The following PXK variants were observed in gnomAD, a reference collection of about 807,000 sequenced individuals.
PXK encodes PX domain containing serine/threonine kinase like.
A neutral mutation model predicts 84.7 loss-of-function variants in PXK; 35 were observed. That is an observed-to-expected ratio of 0.41 (90% CI 0.32 to 0.55). The LOEUF (loss-of-function observed/expected upper bound fraction) is 0.55. PXK is among the 20% of genes least tolerant of loss of function. The probability of loss-of-function intolerance (pLI) is 0.21; values close to 1 mark genes in which losing one functional copy is unlikely to be tolerated. For missense variants in PXK, 634 were observed against 699.7 expected, an observed-to-expected ratio of 0.91 and a Z score of 1.06; for synonymous variants, 253 against 260.8, an observed-to-expected ratio of 0.97 and a Z score of 0.29.
intron 1 of PXK, among the ~76,000 whole-genome samples, chr3:58,352,201 A>G (rs2097944074): frequency 6.6e-6 from 1 of 152,178 alleles, no homozygotes; most frequent in Admixed American, 6.5e-5. Context: ...CTCCTCCTTC[A>G]GGTTCCAGAA....
intron 3 of PXK, among the ~76,000 whole-genome samples, chr3:58,382,015 T>C (rs2098508128): frequency 6.6e-6 from 1 of 152,048 alleles, no homozygotes; most frequent in African/African-American, 2.4e-5. Context: ...AAAAATAAAG[T>C]TTTAAAATTA....
intron 9 of PXK, 82 bp from the exon 10 acceptor site, chr3:58,396,957 T>C: frequency 7.0e-7 from 1 of 1,428,610 alleles, no homozygotes; most frequent in African/African-American, 1.4e-5. Flanking sequence ...TTTCAAAATA[T>C]ATTGACTAAA....
intron 7 of PXK, among the ~76,000 whole-genome samples, chr3:58,393,429 T>C (rs1321292263): frequency 6.6e-6 from 1 of 152,206 alleles, no homozygotes; most frequent in Non-Finnish European, 1.5e-5. Flanking sequence ...CAGTTGTTAC[T>C]TTTTAAGAAT....
rs2058544704 is a variant in PXK, at chr3:58,401,457, T to TAAA, written c.1181+2081_1181+2082insAAA. On this transcript the variant is annotated intron_variant, in intron 12 of 17. Transcript: ENST00000356151. The surrounding 1 kb of genome is among the most constrained non-coding windows in gnomAD (Gnocchi z 4.4). ...GGCGAAACCCCATCTCTACAAAAAA[T>TAAA]ACAACAACAACAAAATTAGCTAGGC... 6.6e-6 allele frequency among the ~76,000 whole-genome samples: 1 copy of TAAA among 151,846 alleles called. No individual in the cohort carries two copies. The highest frequency in any genetic ancestry group is 1.5e-5 in the Non-Finnish European group (1 of 68,012).
chr3:58,370,681 C>T lies in PXK; in HGVS notation c.201+1203C>T, dbSNP rs1214047073. ...ATACTTCCTTTCCTTCAGAAGGCCA[C>T]GTTTTGTTGGTCAGACTTCAGAAAA... is the stretch of plus-strand genomic sequence containing the variant. On this transcript the variant is annotated intron_variant, in intron 3 of 17. Coordinates refer to ENST00000356151, the MANE Select transcript of PXK (RefSeq NM_017771.5). The surrounding 1 kb of genome is among the most constrained non-coding windows in gnomAD (Gnocchi z 4.2). 6.6e-6 allele frequency among the ~76,000 whole-genome samples: 1 copy of T among 152,100 alleles called. No homozygotes were observed. The highest frequency in any genetic ancestry group is 1.5e-5 in the Non-Finnish European group (1 of 68,018).
At chr3:58,380,987 G>A (rs62258079) in intron 3 of PXK, among the ~76,000 whole-genome samples, 6,507 of 152,136 alleles carry the variant, frequency 0.043, 220 homozygotes, top group Non-Finnish European at 0.063. Context: ...GGTGGCTCAC[G>A]CCTGTAATCC....
rs956665938 is a variant in PXK at position 58,416,066 on chromosome 3, G to T, written c.1528+3103G>T. ...TCTCAAGAAGAAACTTAGAACAAAG[G>T]ACGGTGGGATTGATAATAGGTACAG... On this transcript the variant is annotated intron_variant, in intron 17 of 17. Coordinates refer to ENST00000356151, the MANE Select transcript of PXK (RefSeq NM_017771.5). This position sits in a 1 kb window ranked among gnomAD's most constrained non-coding sequence, Gnocchi z 4.8. Among the ~76,000 whole-genome samples, 1 of 152,206 alleles carries T rather than the reference G, an allele frequency of 6.6e-6. No homozygotes were observed. Among genetic ancestry groups the T allele is most frequent in the Non-Finnish European group, 1.5e-5 (1 of 68,036 alleles).
intron 9 of PXK, among the ~76,000 whole-genome samples, chr3:58,396,617 T>C (rs2057718376): frequency 6.6e-6 from 1 of 152,254 alleles, no homozygotes; most frequent in South Asian, 2.1e-4. Flanking sequence ...GAACTAGAGA[T>C]GTTTTCTAGT....
At chr3:58,375,416 C>T (rs2098433222) in intron 3 of PXK, among the ~76,000 whole-genome samples, 1 of 152,130 alleles carries the variant, frequency 6.6e-6, no homozygotes, top group Admixed American at 6.6e-5. Flanking sequence ...CAACCCACTC[C>T]TAGAAATGGT....
chr3:58,408,966 T>C lies in PXK; in HGVS notation c.1273T>C (p.Cys425Arg), dbSNP rs74765659. The C allele has an allele frequency of 2.5e-4, 395 of 1,593,352 alleles. 1 individual carries two copies. In the African/African-American group the frequency reaches 4.1e-3, roughly 17 times the overall value. Reference sequence around the variant, plus strand: ...AGAGGCATTGAGAATTGCCAAAGAATGTATAGAGAAGAGACTAATTGAGGA... The same window carrying C: ...AGAGGCATTGAGAATTGCCAAAGAACGTATAGAGAAGAGACTAATTGAGGA... ...LKEALRIAKE[C>R]IEKRLIEEQK... The change falls in exon 14 of 18, where the codon TGT becomes CGT. Residue 425 changes from cysteine (C) to arginine (R), a missense_variant. This residue lies in a region of PXK where 273 missense variants were observed against 283.6 expected (regional missense o/e 0.96). Coordinates refer to ENST00000356151, the MANE Select transcript of PXK (RefSeq NM_017771.5).
At position 58,412,773 on chromosome 3, in the gene PXK, A is replaced by G; in HGVS notation, c.1466-128A>G. Reference sequence around the variant, plus strand: ...GTCTCTGAGTTTTTTGTCCCTCATCATCTTGTTTCACAAGGCTCACACACT... The same window carrying G: ...GTCTCTGAGTTTTTTGTCCCTCATCGTCTTGTTTCACAAGGCTCACACACT... On this transcript the variant is annotated intron_variant, in intron 16 of 17. Transcript: ENST00000356151. This position sits in a 1 kb window ranked among gnomAD's most constrained non-coding sequence, Gnocchi z 6.2. 2.2e-6 allele frequency: 2 copies of G among 924,024 alleles called. No individual in the cohort carries two copies. The highest frequency in any genetic ancestry group is 3.5e-6 in the Non-Finnish European group (2 of 571,976). The allele number at this position is 924,024 out of a possible 1,614,324, so 57.2% of individuals were successfully genotyped here. A position where few individuals can be genotyped will look rare whatever the true frequency, so the allele number is the denominator to read the frequency against.
At chr3:58,408,815 C>G in intron 13 of PXK, 109 bp from the exon 14 acceptor site, 1 of 829,484 alleles carries the variant, frequency 1.2e-6, no homozygotes, top group Non-Finnish European at 2.0e-6. Context: ...AGCCACCGCG[C>G]CCGGCCGAAA....
At chr3:58,403,827 C>G in intron 12 of PXK, 35 bp from the exon 13 acceptor site, 2 of 1,461,068 alleles carry the variant, frequency 1.4e-6, no homozygotes, top group Non-Finnish European at 1.9e-6. Flanking sequence ...GCACGTGGTT[C>G]AAGAAAGATT....
At chr3:58,404,104 A>G (rs530374583) in intron 13 of PXK, among the ~76,000 whole-genome samples, 194 bp downstream of exon 13, 110 of 152,194 alleles carry the variant, frequency 7.2e-4, no homozygotes, top group Non-Finnish European at 1.4e-3. Context: ...AGTGAAATTG[A>G]TAAAGACATT....
At position 58,425,131 on chromosome 3, in the gene PXK, A is replaced by G. The variant is rs1442648386; in HGVS notation, c.*171A>G. On this transcript the variant is annotated 3_prime_UTR_variant, in exon 18 of 18. Transcript: ENST00000356151. ...TTTCGAGAGAAATAATTCTTTAAGC[A>G]GAATAAAGTTAGGCTGGCATTGCTC... 4 of 1,052,590 alleles carry G rather than the reference A, an allele frequency of 3.8e-6. No individual in the cohort carries two copies. The Admixed American group carries it at 1.2e-4, about 31-fold the overall frequency. 65.2% of individuals were successfully genotyped at this position (1,052,590 alleles called of 1,614,324 possible).
In PXK at chr3:58,421,398, T is replaced by A; in HGVS notation, c.1529-3354T>A. ...GAGTTCAAGACCAACCTGGCCAACA[T>A]GGTGAAACCCCATCTGTACTAAAAA... On this transcript the variant is annotated intron_variant, in intron 17 of 17. Coordinates refer to ENST00000356151, the MANE Select transcript of PXK (RefSeq NM_017771.5). This position sits in a 1 kb window ranked among gnomAD's most constrained non-coding sequence, Gnocchi z 5.5. 1.1e-6 allele frequency: 1 copy of A among 871,728 alleles called. No homozygotes were observed. The highest frequency in any genetic ancestry group is 1.4e-6 in the Non-Finnish European group (1 of 726,614). 54.0% of individuals were successfully genotyped at this position (871,728 alleles called of 1,614,324 possible).
intron 4 of PXK, among the ~76,000 whole-genome samples, chr3:58,387,070 C>T (rs2098557440): frequency 6.6e-6 from 1 of 152,172 alleles, no homozygotes; most frequent in African/African-American, 2.4e-5. Flanking sequence ...AGTGTTTGTT[C>T]CCTGCAGTCA....
chr3:58,371,514 T>G (rs1388669882), intron 3 of PXK, among the ~76,000 whole-genome samples: 1 of 152,246 alleles, frequency 6.6e-6, no homozygotes, highest in Admixed American at 6.5e-5. Context: ...GGGCGTGATC[T>G]TTGTACAATG....
At position 58,400,779 on chromosome 3, in the gene PXK, G is replaced by A. The variant is rs145404160; in HGVS notation, c.1181+1402G>A. ...AAAATATAAAAAATTAGCTGGGCAT[G>A]GTGGCACACTCCTGTAATCCCAGCT... is the stretch of plus-strand genomic sequence containing the variant. On this transcript the variant is annotated intron_variant, in intron 12 of 17. Transcript: ENST00000356151. This position sits in a 1 kb window ranked among gnomAD's most constrained non-coding sequence, Gnocchi z 4.0. Among the ~76,000 whole-genome samples the A allele has an allele frequency of 6.0e-3, 910 of 152,230 alleles. 10 individuals are homozygous for A. Among genetic ancestry groups the A allele is most frequent in the African/African-American group, 0.021 (858 of 41,524 alleles).
Sources: allele counts gnomAD v4.1 joint callset (sites outside exome capture counted in the v4.1 genomes callset), GRCh38; gene constraint gnomAD v4.1.1; regional missense constraint gnomAD v4.1.1; non-coding constraint Gnocchi (gnomAD v3.1); transcripts MANE v1.5; gene names NCBI Gene and HGNC (gene_info 2026-07-23, HGNC 2026-07-21).